Variants in UBR4 observed in about 807,000 individuals in gnomAD.
UBR4 encodes the protein ubiquitin protein ligase E3 component n-recognin 4, also known as E3 ubiquitin-protein ligase UBR4.
In UBR4, 124 loss-of-function variants were observed where a neutral mutation model predicts 575.6. The ratio of observed to expected loss-of-function variants is 0.22; its 90% CI spans 0.19 to 0.25. UBR4 has a LOEUF of 0.25. Ranked by LOEUF, UBR4 falls within the 10% of genes least tolerant of loss-of-function variation. The probability of loss-of-function intolerance (pLI) is 1.00; values close to 1 mark genes in which losing one functional copy is unlikely to be tolerated. For synonymous variants in UBR4, 2,455 were observed against 2,473.7 expected (o/e 0.99, Z 0.22); for missense variants, 4,818 against 6,478.8 (o/e 0.74, Z 8.80).
Position 19,157,190 on chromosome 1 carries a change from G to A in UBR4, c.5761-265C>T, listed in dbSNP as rs903076584. 4.6e-5 allele frequency among the ~76,000 whole-genome samples: 7 copies of A among 152,166 alleles called. No homozygotes were observed. Among genetic ancestry groups the A allele is most frequent in the Non-Finnish European group, 8.8e-5 (6 of 68,026 alleles). On this transcript the variant is annotated intron_variant, in intron 40 of 105. Coordinates refer to ENST00000375254, the MANE Select transcript of UBR4 (RefSeq NM_020765.3). This position sits in a 1 kb window ranked among gnomAD's most constrained non-coding sequence, Gnocchi z 4.4. ...CACAAAATAGTTTAAGAATACCTAC[G>A]TACCACTGTCCTTTTCTAGTTTTCT...
Position 19,192,295 on chromosome 1 carries a change from C to T in UBR4, c.1287G>A (p.Leu429=). The part of the protein sequence containing the change: ...FLILNLSPTA[L]ADKGKEKDPL... The stretch of plus-strand genomic sequence containing the variant: ...GGTCCTTCTCTTTCCCCTTATCAGC[C>T]AACGCAGTAGGACTGAGGTTCAGTA... The change falls in exon 11 of 106, where the codon TTG becomes TTA. Residue 429 remains leucine (L), a synonymous_variant. Transcript: ENST00000375254. 1 of 1,614,114 alleles carries T rather than the reference C, an allele frequency of 6.2e-7. No individual in the cohort carries two copies.
chr1:19,201,416 C>T (rs2092735908), intron 2 of UBR4, among the ~76,000 whole-genome samples: 1 of 152,180 alleles, frequency 6.6e-6, no homozygotes, highest in African/African-American at 2.4e-5. Flanking sequence ...GAAATTAACA[C>T]ACCAGTAATT....
chr1:19,096,242 A>G (rs2078028018), intron 92 of UBR4, among the ~76,000 whole-genome samples: 1 of 152,182 alleles, frequency 6.6e-6, no homozygotes, highest in Non-Finnish European at 1.5e-5. Flanking sequence ...TTTAAAAACA[A>G]CAACAATGAT....
chr1:19,126,334 C>T (rs1314543573), intron 64 of UBR4, 112 bp downstream of exon 64: 3 of 1,274,458 alleles, frequency 2.4e-6, no homozygotes, highest in Non-Finnish European at 3.3e-6. Flanking sequence ...GGAATGCCGG[C>T]TCCTTCCTAT....
intron 60 of UBR4, among the ~76,000 whole-genome samples, chr1:19,133,378 A>G (rs1323851128): frequency 6.6e-6 from 1 of 152,214 alleles, no homozygotes; most frequent in African/African-American, 2.4e-5. Context: ...CCAGCAAACT[A>G]GGAACAAAAT....
chr1:19,204,854 C>T (rs2092929680), intron 1 of UBR4, among the ~76,000 whole-genome samples: 2 of 152,058 alleles, frequency 1.3e-5, no homozygotes, highest in Admixed American at 1.3e-4. Context: ...CATGAGTCAG[C>T]TAATAGGGAT....
intron 51 of UBR4, 120 bp from the exon 52 acceptor site, chr1:19,147,120 A>G: frequency 9.5e-7 from 1 of 1,055,816 alleles, no homozygotes; most frequent in Non-Finnish European, 1.3e-6. Flanking sequence ...GAACAGGCCA[A>G]TGAACACCAA....
Position 19,084,365 on chromosome 1 carries a change from C to T in UBR4, c.15008+139G>A, listed in dbSNP as rs551516949. 1.4e-5 allele frequency: 12 copies of T among 830,774 alleles called. No individual in the cohort carries two copies. The South Asian group carries it at 2.4e-4, about 17-fold the overall frequency. 51.5% of individuals were successfully genotyped at this position (830,774 alleles called of 1,614,324 possible). A position where few individuals can be genotyped will look rare whatever the true frequency, so the allele number is the denominator to read the frequency against. On this transcript the variant is annotated intron_variant, in intron 102 of 105. Coordinates refer to ENST00000375254, the MANE Select transcript of UBR4 (RefSeq NM_020765.3). ...AAAAGAATGCAGATGAGCATCCCCA[C>T]CTCGGCAAAAAGGCTGCCTTAGGCC... is the stretch of plus-strand genomic sequence containing the variant.
chr1:19,112,175 C>T, intron 78 of UBR4: 1 of 244,468 alleles, frequency 4.1e-6, no homozygotes. Context: ...AGAGTCCAAG[C>T]TCTTAATCTC....
chr1:19,187,382 T>G, intron 12 of UBR4, 59 bp downstream of exon 12: 2 of 1,611,262 alleles, frequency 1.2e-6, no homozygotes, highest in Non-Finnish European at 1.7e-6. Context: ...TCAAGCTTGC[T>G]TGGCCAGAAG....
At chr1:19,138,821 T>C (rs1409246122) in intron 59 of UBR4, among the ~76,000 whole-genome samples, 4 of 152,174 alleles carry the variant, frequency 2.6e-5, no homozygotes, top group African/African-American at 9.7e-5. Flanking sequence ...ACGCATGTCA[T>C]TGCTTTTTTT....
rs2078995004 is a variant in UBR4 at position 19,104,631 on chromosome 1, G to A, written c.12681C>T (p.Thr4227=). Residue 4227 remains threonine, a synonymous_variant, in exon 86 of 106, where the codon ACC becomes ACT. Coordinates refer to ENST00000375254, the MANE Select transcript of UBR4 (RefSeq NM_020765.3). ...AACCCTGCTGCAGATCGGTACTCAGGGTAGCCTCCTCCAGGGCCAGCAGAC... is the reference window on the plus strand; with the variant it reads ...AACCCTGCTGCAGATCGGTACTCAGAGTAGCCTCCTCCAGGGCCAGCAGAC... The part of the protein sequence containing the change: ...IARLLALEEA[T]LSTDLQQGYA... 5.0e-6 allele frequency: 8 copies of A among 1,613,922 alleles called. No individual in the cohort carries two copies. Among genetic ancestry groups the A allele is most frequent in the Non-Finnish European group, 6.8e-6 (8 of 1,179,990 alleles).
intron 2 of UBR4, 87 bp downstream of exon 2, chr1:19,201,631 C>T: frequency 1.7e-6 from 2 of 1,206,984 alleles, no homozygotes; most frequent in Non-Finnish European, 2.4e-6. Context: ...ACTTCATTAA[C>T]AACTTTTTCA....
chr1:19,097,145 G>A (rs1195942599), intron 91 of UBR4, 48 bp downstream of exon 91: 5 of 1,527,292 alleles, frequency 3.3e-6, no homozygotes, highest in Admixed American at 2.0e-5. Flanking sequence ...GACGTGAGCC[G>A]CTCATGAGTC....
At position 19,119,849 on chromosome 1, in the gene UBR4, AGATGCAGCATAGTCATTT is replaced by A. The variant is rs1350869957; in HGVS notation, c.10311-166_10311-149del. ...TTCACTTTTGACAATCAATCCTACC[AGATGCAGCATAGTCATTT>A]GCTGCCTCTACCCATCACCCAACAT... On this transcript the variant is annotated intron_variant, in intron 69 of 105. Coordinates refer to ENST00000375254, the MANE Select transcript of UBR4 (RefSeq NM_020765.3). The A allele has an allele frequency of 2.7e-6, 3 of 1,131,740 alleles. No homozygotes were observed. In the African/African-American group the frequency reaches 4.7e-5, roughly 18 times the overall value. The allele number at this position is 1,131,740 out of a possible 1,614,324, so 70.1% of individuals were successfully genotyped here.
Position 19,163,819 on chromosome 1 carries a change from T to C in UBR4, c.4709A>G (p.Tyr1570Cys). ...AVDWLSRCKK[Y>C]LSQKNVVEKL... Reference sequence around the variant, plus strand: ...TTCAACTACATTCTTCTGTGACAGGTATTTCTTGCTGTCCCAAAGAAAAAA... The same window carrying C: ...TTCAACTACATTCTTCTGTGACAGGCATTTCTTGCTGTCCCAAAGAAAAAA... Residue 1570 changes from tyrosine to cysteine, a missense_variant, in exon 34 of 106, where the codon TAC becomes TGC. Tyr to Cys is a radical substitution (Grantham distance 194, BLOSUM62 -2). This residue lies in a region of UBR4 where 1,172 missense variants were observed against 1,259.7 expected (regional missense o/e 0.93). Coordinates refer to ENST00000375254, the MANE Select transcript of UBR4 (RefSeq NM_020765.3). The C allele has an allele frequency of 6.2e-7, 1 of 1,614,096 alleles. No homozygotes were observed.
Position 19,086,207 on chromosome 1 carries a change from G to A in UBR4, c.14751C>T (p.Asn4917=), listed in dbSNP as rs756082377. 10 of 1,613,948 alleles carry A rather than the reference G, an allele frequency of 6.2e-6. No individual in the cohort carries two copies. The highest frequency in any genetic ancestry group is 1.6e-4 in the Middle Eastern group (1 of 6,084). The change falls in exon 101 of 106, where the codon AAC becomes AAT. Residue 4917 remains asparagine, a synonymous_variant. Transcript: ENST00000375254. ...AALQNANTKC[N]GLLPVWGPHV... is the part of the protein sequence containing the mutation. Reference sequence around the variant, plus strand: ...GAGGTCCCCAGACCGGAAGGAGCCCGTTGCACTTGGTGTTGGCATTCTGCA... The same window carrying A: ...GAGGTCCCCAGACCGGAAGGAGCCCATTGCACTTGGTGTTGGCATTCTGCA...
Position 19,169,511 on chromosome 1 carries a change from A to G in UBR4, c.3665T>C (p.Leu1222Ser), listed in dbSNP as rs1379958048. The G allele has an allele frequency of 1.9e-6, 3 of 1,613,822 alleles. No individual in the cohort carries two copies. The highest frequency in any genetic ancestry group is 2.7e-5 in the African/African-American group (2 of 75,052). Residue 1222 changes from leucine (L) to serine (S), a missense_variant, in exon 27 of 106, where the codon TTG becomes TCG. Physicochemically the swap from Leu to Ser is moderately radical, Grantham distance 145 (BLOSUM62 -2). Coordinates refer to ENST00000375254, the MANE Select transcript of UBR4 (RefSeq NM_020765.3). ...ACACACAGTCTGCACTGACGATGGC[A>G]AATTCTGAACCAGTGTCGGACCTGG... ...NTLGPTLVQN[L>S]PSSVQTVCES... is the part of the protein sequence containing the mutation.
chr1:19,075,724 G>C (rs1268646323), intron 105 of UBR4, among the ~76,000 whole-genome samples: 1 of 152,238 alleles, frequency 6.6e-6, no homozygotes, highest in Non-Finnish European at 1.5e-5. Flanking sequence ...CTGGCTCTGA[G>C]CTGGGAAGAA....
Sources: gnomAD v4.1 joint callset for allele counts (sites outside exome capture counted in the v4.1 genomes callset) on GRCh38, gnomAD v4.1.1 for gene constraint, gnomAD v4.1.1 regional missense constraint, Gnocchi (gnomAD v3.1) non-coding constraint, MANE v1.5 for transcripts, NCBI Gene and HGNC (gene_info 2026-07-23, HGNC 2026-07-21) for gene names.